The following SLC12A9 variants were observed in gnomAD, a reference collection of about 807,000 sequenced individuals.
SLC12A9 encodes CCC-interacting protein 1.
In SLC12A9, 55 loss-of-function variants were observed where a neutral mutation model predicts 66.0. That is an observed-to-expected ratio of 0.83 (90% CI 0.67 to 1.04). The LOEUF (loss-of-function observed/expected upper bound fraction) is 1.04. Ranked by LOEUF, SLC12A9 falls within the 50% of genes least tolerant of loss-of-function variation. The pLI is 0.00. For synonymous variants in SLC12A9, 577 were observed against 569.0 expected (o/e 1.01, Z -0.20); for missense variants, 1,061 against 1,241.9 (o/e 0.85, Z 2.19).
intron 1 of SLC12A9, among the ~76,000 whole-genome samples, chr7:100,832,784 C>CT (rs1562979301): frequency 1.3e-5 from 2 of 149,546 alleles, no homozygotes; most frequent in Admixed American, 6.6e-5. Flanking sequence ...CTTTTTTTTT[C>CT]TTTTTTTAAG....
chr7:100,864,262 G>T (rs1814940733), intron 13 of SLC12A9, among the ~76,000 whole-genome samples: 1 of 151,876 alleles, frequency 6.6e-6, no homozygotes, highest in Non-Finnish European at 1.5e-5. Flanking sequence ...TATATTTTTG[G>T]TAGAGACGGG....
In SLC12A9 at chr7:100,861,037, A is replaced by T; in HGVS notation, c.1219-101A>T. The T allele has an allele frequency of 6.3e-7, 1 of 1,599,198 alleles. No individual in the cohort carries two copies. Among genetic ancestry groups the T allele is most frequent in the Non-Finnish European group, 8.5e-7 (1 of 1,171,610 alleles). On this transcript the variant is annotated intron_variant, in intron 9 of 13. Coordinates refer to ENST00000354161, the MANE Select transcript of SLC12A9 (RefSeq NM_020246.4). The surrounding 1 kb of genome is among the most constrained non-coding windows in gnomAD (Gnocchi z 5.3). ...GGTTCACTGGCACTTTCTGGGGCTC[A>T]TTGACACTTTGGGGTACACTGGCAT...
chr7:100,865,263 C>A (rs1178842855), intron 13 of SLC12A9: 1 of 1,535,692 alleles, frequency 6.5e-7, no homozygotes, highest in Non-Finnish European at 8.7e-7. Context: ...CTGCCTGGTC[C>A]ATTTTTTCAT....
Position 100,856,890 on chromosome 7 carries a change from C to T in SLC12A9, c.471C>T (p.Leu157=). ...CAGATGCCACAGGGCCCAGTGGGCTCCGGGTCCTGCCCCAGGGCTACGGCT... is the reference window on the plus strand; with the variant it reads ...CAGATGCCACAGGGCCCAGTGGGCTTCGGGTCCTGCCCCAGGGCTACGGCT... ...FGADATGPSG[L]RVLPQGYGWN... Residue 157 remains leucine, a synonymous_variant, in exon 5 of 14, where the codon CTC becomes CTT. Coordinates refer to ENST00000354161, the MANE Select transcript of SLC12A9 (RefSeq NM_020246.4). The T allele has an allele frequency of 6.2e-7, 1 of 1,604,392 alleles. No individual in the cohort carries two copies. The highest frequency in any genetic ancestry group is 8.5e-7 in the Non-Finnish European group (1 of 1,177,372).
chr7:100,841,960 TAA>T (rs1813799920), intron 1 of SLC12A9, among the ~76,000 whole-genome samples: 3 of 152,040 alleles, frequency 2.0e-5, no homozygotes, highest in Admixed American at 6.6e-5. Flanking sequence ...TCTCAAAAAC[TAA>T]AAGTCTTTTA....
intron 1 of SLC12A9, among the ~76,000 whole-genome samples, chr7:100,828,989 ATTT>A (rs1310421012): frequency 1.4e-5 from 2 of 142,604 alleles, no homozygotes; most frequent in Non-Finnish European, 3.1e-5. Context: ...GCGGGGACAG[ATTT>A]TTTTTTTTTT....
At chr7:100,834,582 G>A (rs1259184271) in intron 1 of SLC12A9, among the ~76,000 whole-genome samples, 1 of 152,086 alleles carries the variant, frequency 6.6e-6, no homozygotes, top group Non-Finnish European at 1.5e-5. Context: ...ATGGAGCCGG[G>A]GAGGATTCAG....
At chr7:100,848,083 CAAA>C (rs36071720), upstream of SLC12A9, among the ~76,000 whole-genome samples, 60 of 43,944 alleles carry the variant, frequency 1.4e-3, no homozygotes, top group African/African-American at 3.0e-3. Flanking sequence ...GACTCCATCT[CAAA>C]AAAAAAAAAA....
At chr7:100,839,205 GT>G (rs918659610) in intron 1 of SLC12A9, among the ~76,000 whole-genome samples, 3 of 152,054 alleles carry the variant, frequency 2.0e-5, no homozygotes, top group African/African-American at 7.2e-5. Context: ...GGCGCCTGTA[GT>G]CCCAGCTACT....
chr7:100,860,264 T>C, intron 9 of SLC12A9, 32 bp downstream of exon 9: 2 of 1,603,934 alleles, frequency 1.2e-6, no homozygotes, highest in East Asian at 2.2e-5. Flanking sequence ...GCCCTTTCCC[T>C]CACCCCACCA....
chr7:100,837,862 T>G (rs1169784369), intron 1 of SLC12A9, among the ~76,000 whole-genome samples: 3 of 141,092 alleles, frequency 2.1e-5, no homozygotes, highest in Non-Finnish European at 3.1e-5. Flanking sequence ...TTTTTTTTTT[T>G]TTTTTTTTTT....
Position 100,855,703 on chromosome 7 carries a change from C to G in SLC12A9, c.317-3C>G, listed in dbSNP as rs755988636. Reference sequence around the variant, plus strand: ...TAATGCTCACCCCTGCTTCCACTTTCAGTCATGATCAGCCGCACACTGGGG... The same window carrying G: ...TAATGCTCACCCCTGCTTCCACTTTGAGTCATGATCAGCCGCACACTGGGG... On this transcript the variant is annotated splice_region_variant and splice_polypyrimidine_tract_variant and intron_variant, in intron 3 of 13. Coordinates refer to ENST00000354161, the MANE Select transcript of SLC12A9 (RefSeq NM_020246.4). 1.9e-6 allele frequency: 3 copies of G among 1,614,098 alleles called. No individual in the cohort carries two copies. The highest frequency in any genetic ancestry group is 2.5e-6 in the Non-Finnish European group (3 of 1,179,980).
chr7:100,865,571 T>C, intron 13 of SLC12A9, 148 bp from the exon 14 acceptor site: 4 of 1,579,638 alleles, frequency 2.5e-6, no homozygotes, highest in Non-Finnish European at 3.4e-6. Context: ...TATGCAAATA[T>C]GCAGAATGTT....
In SLC12A9 at chr7:100,854,036, G is replaced by C. The variant is rs953123889; in HGVS notation, c.-42-120G>C. ...GAACCACCGAGCCTGGCCAATTTTTGTATTTTTAGTAGAGAGCAGCTCTGT... is the reference window on the plus strand; with the variant it reads ...GAACCACCGAGCCTGGCCAATTTTTCTATTTTTAGTAGAGAGCAGCTCTGT... On this transcript the variant is annotated intron_variant, in intron 1 of 13. Coordinates refer to ENST00000354161, the MANE Select transcript of SLC12A9 (RefSeq NM_020246.4). The C allele has an allele frequency of 4.9e-6, 3 of 610,778 alleles. No individual in the cohort carries two copies. In the African/African-American group the frequency reaches 5.9e-5, roughly 12 times the overall value. The allele number at this position is 610,778 out of a possible 1,614,324, so 37.8% of individuals were successfully genotyped here. A position where few individuals can be genotyped will look rare whatever the true frequency, so the allele number is the denominator to read the frequency against.
intron 1 of SLC12A9, among the ~76,000 whole-genome samples, chr7:100,838,176 A>G (rs1256527120): frequency 1.3e-5 from 2 of 148,892 alleles, no homozygotes; most frequent in South Asian, 2.1e-4. Context: ...AAGTTGTAAA[A>G]TTTTTTTGTG....
In SLC12A9 at chr7:100,856,891, C is replaced by T. The variant is rs143663491; in HGVS notation, c.472C>T (p.Arg158Trp). The T allele has an allele frequency of 7.0e-5, 113 of 1,604,182 alleles. No homozygotes were observed. The highest frequency in any genetic ancestry group is 1.1e-4 in the African/African-American group (8 of 74,832). The change falls in exon 5 of 14, where the codon CGG becomes TGG. Residue 158 changes from arginine to tryptophan, a missense_variant. Coordinates refer to ENST00000354161, the MANE Select transcript of SLC12A9 (RefSeq NM_020246.4). ...GADATGPSGL[R>W]VLPQGYGWNL... is the part of the protein sequence containing the mutation. ...AGATGCCACAGGGCCCAGTGGGCTC[C>T]GGGTCCTGCCCCAGGGCTACGGCTG...
At chr7:100,846,588 C>T (rs916723626) in intron 1 of SLC12A9, among the ~76,000 whole-genome samples, 2 of 151,516 alleles carry the variant, frequency 1.3e-5, no homozygotes, top group African/African-American at 2.4e-5. Context: ...AAAGCTTCAT[C>T]GCTACCTTAG....
At chr7:100,862,301 C>G (rs565481017) in intron 12 of SLC12A9, among the ~76,000 whole-genome samples, 66 of 152,228 alleles carry the variant, frequency 4.3e-4, no homozygotes, top group African/African-American at 1.5e-3. Context: ...CTCTGTCACC[C>G]AGGCTGGAGA....
intron 1 of SLC12A9, among the ~76,000 whole-genome samples, chr7:100,841,039 A>C (rs989769682): frequency 2.0e-5 from 3 of 152,072 alleles, no homozygotes; most frequent in Non-Finnish European, 4.4e-5. Context: ...CCTCATTGTG[A>C]GCACACCTCA....
Sources: gnomAD v4.1 joint callset for allele counts (sites outside exome capture counted in the v4.1 genomes callset) on GRCh38, gnomAD v4.1.1 for gene constraint, Gnocchi (gnomAD v3.1) non-coding constraint, MANE v1.5 for transcripts, NCBI Gene and HGNC (gene_info 2026-07-23, HGNC 2026-07-21) for gene names.